TRPC4AP: variants seen among roughly 807,000 people sequenced by gnomAD.
TRPC4AP encodes transient receptor potential cation channel subfamily C member 4 associated protein, also known as short transient receptor potential channel 4-associated protein.
Under a neutral mutation model 99.0 loss-of-function variants are expected in TRPC4AP, and 45 were observed. The observed-to-expected ratio is 0.45, with a 90% CI of 0.36 to 0.58. The LOEUF is 0.58. Among genes scored for constraint, TRPC4AP ranks in the 20% least tolerant of loss-of-function variants. The pLI is 0.00. For synonymous variants in TRPC4AP, 408 were observed against 385.8 expected (o/e 1.06, Z -0.67); for missense variants, 879 against 985.3 (o/e 0.89, Z 1.44).
rs1343524689 is a variant in TRPC4AP, at chr20:35,024,851, A to C, written c.1052-3495T>G. 2.3e-4 allele frequency among the ~76,000 whole-genome samples: 32 copies of C among 139,356 alleles called. 4 individuals are homozygous for C. The South Asian group carries it at 6.2e-3, about 27-fold the overall frequency. The allele number at this position is 139,356 out of a possible 152,430, so 91.4% of individuals were successfully genotyped here. A position where few individuals can be genotyped will look rare whatever the true frequency, so the allele number is the denominator to read the frequency against. On this transcript the variant is annotated intron_variant, in intron 8 of 18. Transcript: ENST00000252015. ...AAAAAAAAAAAAAAAAAAAAAAAAA[A>C]AAAATTCTGTTTATTCATTAATCAG...
intron 8 of TRPC4AP, among the ~76,000 whole-genome samples, chr20:35,027,295 A>T (rs886963002): frequency 6.6e-6 from 1 of 152,178 alleles, no homozygotes; most frequent in Non-Finnish European, 1.5e-5. Flanking sequence ...TTTTGCTCCT[A>T]TGGAAACGAT....
At chr20:35,056,937 G>T (rs947128942) in intron 4 of TRPC4AP, among the ~76,000 whole-genome samples, 3 of 131,332 alleles carry the variant, frequency 2.3e-5, no homozygotes, top group Admixed American at 9.5e-5. Context: ...AGTGAGCCAA[G>T]ATCATGCCAC....
At chr20:35,027,419 T>C (rs1162707685) in intron 8 of TRPC4AP, among the ~76,000 whole-genome samples, 1 of 152,246 alleles carries the variant, frequency 6.6e-6, no homozygotes, top group African/African-American at 2.4e-5. Flanking sequence ...TCCTTGTATG[T>C]TGCTATACTT....
chr20:35,042,159 A>C (rs1211587079), intron 7 of TRPC4AP, among the ~76,000 whole-genome samples: 1 of 152,210 alleles, frequency 6.6e-6, no homozygotes, highest in Non-Finnish European at 1.5e-5. Context: ...CAAAATCATA[A>C]AGGAGTGGGA....
chr20:35,078,298 C>T (rs1432538368), intron 1 of TRPC4AP, 124 bp from the exon 2 acceptor site: 2 of 944,210 alleles, frequency 2.1e-6, no homozygotes, highest in South Asian at 1.8e-5. Context: ...CTAAGCACTA[C>T]TATAAAAAGC....
intron 16 of TRPC4AP, 53 bp downstream of exon 16, chr20:35,005,641 AT>A: frequency 6.6e-7 from 1 of 1,512,622 alleles, no homozygotes; most frequent in Non-Finnish European, 9.2e-7. Context: ...AGGGTGTCTG[AT>A]GCCAGCATTC....
At chr20:35,069,786 C>T (rs939653564) in intron 2 of TRPC4AP, among the ~76,000 whole-genome samples, 13 of 152,122 alleles carry the variant, frequency 8.5e-5, no homozygotes, top group South Asian at 4.1e-4. Flanking sequence ...ACTAAAAGTA[C>T]AAAAATTAGC....
At chr20:35,091,935 G>T (rs945666642) in intron 1 of TRPC4AP, among the ~76,000 whole-genome samples, 1 of 152,134 alleles carries the variant, frequency 6.6e-6, no homozygotes, top group Admixed American at 6.6e-5. Flanking sequence ...AGAGGAGCAG[G>T]GCTTTGAACC....
intron 1 of TRPC4AP, among the ~76,000 whole-genome samples, chr20:35,090,797 C>T (rs2085038683): frequency 6.6e-6 from 1 of 152,302 alleles, no homozygotes; most frequent in African/African-American, 2.4e-5. Context: ...ATTCTCAGAA[C>T]ACTGATTATC....
chr20:35,092,138 T>C (rs2146062257), intron 1 of TRPC4AP, among the ~76,000 whole-genome samples: 1 of 152,178 alleles, frequency 6.6e-6, no homozygotes, highest in East Asian at 1.9e-4. Flanking sequence ...AGAATAACAA[T>C]GGGGACCTAC....
intron 15 of TRPC4AP, 144 bp downstream of exon 15, chr20:35,006,291 G>A: frequency 1.1e-6 from 1 of 937,034 alleles, no homozygotes; most frequent in Non-Finnish European, 1.6e-6. Context: ...GACAGAGCAG[G>A]TTCCAATGAA....
chr20:35,018,526 G>A (rs1349331684), intron 9 of TRPC4AP, among the ~76,000 whole-genome samples: 19 of 149,846 alleles, frequency 1.3e-4, no homozygotes, highest in Non-Finnish European at 2.7e-4. Flanking sequence ...AGCTGGGGAG[G>A]CAGAGGTTGC....
At chr20:35,045,509 T>A (rs2083539991) in intron 6 of TRPC4AP, among the ~76,000 whole-genome samples, 1 of 152,120 alleles carries the variant, frequency 6.6e-6, no homozygotes, top group Non-Finnish European at 1.5e-5. Flanking sequence ...TAGCTAGGAC[T>A]ACAGGTGCGT....
At chr20:35,073,877 C>T (rs1204363657) in intron 2 of TRPC4AP, among the ~76,000 whole-genome samples, 2 of 152,120 alleles carry the variant, frequency 1.3e-5, no homozygotes, top group Non-Finnish European at 1.5e-5. Flanking sequence ...TGGTAGAATT[C>T]GGCTGTGAAT....
At position 35,092,704 on chromosome 20, in the gene TRPC4AP, G is replaced by C. The variant is rs2085110146; in HGVS notation, c.78C>G (p.Gly26=). The C allele has an allele frequency of 6.5e-7, 1 of 1,549,818 alleles. No homozygotes were observed. Among genetic ancestry groups the C allele is most frequent in the African/African-American group, 1.4e-5 (1 of 71,236 alleles). ...CAGGCCGCGGCCGGCCGCCCCATCC[G>C]CCCCAAGCCGCCACTGTGGCTGCCG... ...RRSAATVAAW[G]GWGGRPRPGN... is the part of the protein sequence containing the mutation. Residue 26 remains glycine, a synonymous_variant, in exon 1 of 19, where the codon GGC becomes GGG. Coordinates refer to ENST00000252015, the MANE Select transcript of TRPC4AP (RefSeq NM_015638.3).
intron 8 of TRPC4AP, among the ~76,000 whole-genome samples, chr20:35,028,274 C>A (rs1421402345): frequency 6.6e-6 from 1 of 150,462 alleles, no homozygotes; most frequent in Non-Finnish European, 1.5e-5. Context: ...CGGCTCACTG[C>A]AACCTCTGCC....
At chr20:35,045,756 T>C (rs1389366221) in intron 6 of TRPC4AP, among the ~76,000 whole-genome samples, 1 of 152,046 alleles carries the variant, frequency 6.6e-6, no homozygotes. Flanking sequence ...GCCAGGCTGG[T>C]CTTGAACTCC....
At chr20:35,014,984 G>A (rs553528558) in intron 10 of TRPC4AP, among the ~76,000 whole-genome samples, 1 of 152,232 alleles carries the variant, frequency 6.6e-6, no homozygotes, top group South Asian at 2.1e-4. Context: ...GAGTGCTTGG[G>A]CTCAAAAAAC....
At chr20:35,056,420 T>C (rs771971835) in intron 4 of TRPC4AP, among the ~76,000 whole-genome samples, 4 of 152,090 alleles carry the variant, frequency 2.6e-5, no homozygotes, top group Admixed American at 2.6e-4. Context: ...ATAATTACAA[T>C]ATGCTACTTG....
Sources: allele counts gnomAD v4.1 joint callset (sites outside exome capture counted in the v4.1 genomes callset), GRCh38; gene constraint gnomAD v4.1.1; transcripts MANE v1.5; gene names NCBI Gene and HGNC (gene_info 2026-07-23, HGNC 2026-07-21).